MOK: variants seen among roughly 807,000 people sequenced by gnomAD.
The protein encoded by MOK is MAPK/MAK/MRK overlapping kinase.
Under a neutral mutation model 54.2 loss-of-function variants are expected in MOK, and 59 were observed. The observed-to-expected ratio is 1.09, with a 90% CI of 0.88 to 1.35. The LOEUF is 1.35. Among genes scored for constraint, MOK ranks in the 40% most tolerant of loss-of-function variants. MOK has a pLI of 0.00. For synonymous variants in MOK, 210 were observed against 202.7 expected, an observed-to-expected ratio of 1.04 and a Z score of -0.31; for missense variants, 517 against 526.2, an observed-to-expected ratio of 0.98 and a Z score of 0.17.
intron 1 of MOK, 70 bp from the exon 2 acceptor site, chr14:102,283,662 A>G (rs1302576818): frequency 1.1e-6 from 1 of 928,298 alleles, no homozygotes; most frequent in African/African-American, 1.7e-5. Flanking sequence ...TCCAGACAGC[A>G]AACTTTTAAT....
chr14:102,256,371 T>C (rs573557866), intron 4 of MOK, among the ~76,000 whole-genome samples: 12 of 151,736 alleles, frequency 7.9e-5, no homozygotes, highest in Admixed American at 7.9e-4. Context: ...GAGACCATCC[T>C]GGCTAACACG....
chr14:102,238,048 C>T lies in MOK; in HGVS notation c.591-4259G>A, dbSNP rs2065376100. On this transcript the variant is annotated intron_variant, in intron 7 of 11. Coordinates refer to ENST00000361847, the MANE Select transcript of MOK (RefSeq NM_014226.3). The surrounding 1 kb of genome is among the most constrained non-coding windows in gnomAD (Gnocchi z 4.8). ...CCCTGTATCTTCTTCCCTTCCTACT[C>T]ATTCTTGCACTGACGTCCTAGATCA... The T allele has an allele frequency of 6.6e-6, 1 of 152,276 alleles. No homozygotes were observed. The highest frequency in any genetic ancestry group is 1.5e-5 in the Non-Finnish European group (1 of 68,084). The allele number at this position is 152,276 out of a possible 1,614,324, so 9.4% of individuals were successfully genotyped here.
intron 2 of MOK, among the ~76,000 whole-genome samples, chr14:102,281,693 C>T (rs2069459624): frequency 6.6e-6 from 1 of 151,898 alleles, no homozygotes; most frequent in Non-Finnish European, 1.5e-5. Context: ...AATCCTCCTG[C>T]CTCAGCCTCC....
Position 102,287,206 on chromosome 14 carries a change from C to T in MOK, c.8-3614G>A, listed in dbSNP as rs141635475. ...AGGGTTCAGTGGGCGTGGTGGCTCA[C>T]GCCTGTCATCCCAGCACTTTGGGAA... is the stretch of plus-strand genomic sequence containing the variant. On this transcript the variant is annotated intron_variant, in intron 1 of 11. Coordinates refer to ENST00000361847, the MANE Select transcript of MOK (RefSeq NM_014226.3). 4.8e-3 allele frequency among the ~76,000 whole-genome samples: 732 copies of T among 152,304 alleles called. 6 individuals carry two copies. Among genetic ancestry groups the T allele is most frequent in the African/African-American group, 0.016 (655 of 41,568 alleles).
intron 1 of MOK, among the ~76,000 whole-genome samples, chr14:102,295,286 G>A (rs992429707): frequency 6.6e-6 from 1 of 152,166 alleles, no homozygotes; most frequent in Non-Finnish European, 1.5e-5. Context: ...GGAGATAAAT[G>A]AATACCTCTG....
rs952842995 is a variant in MOK at position 102,245,353 on chromosome 14, C to T, written c.590+5459G>A. ...CCCAAAAATTTTCACTGCCCCAACA[C>T]TTCAATACTATTTTATGTTATTTTT... On this transcript the variant is annotated intron_variant, in intron 7 of 11. Transcript: ENST00000361847. The surrounding 1 kb of genome is among the most constrained non-coding windows in gnomAD (Gnocchi z 4.3). Among the ~76,000 whole-genome samples, 1 of 151,954 alleles carries T rather than the reference C, an allele frequency of 6.6e-6. No homozygotes were observed. The highest frequency in any genetic ancestry group is 2.4e-5 in the African/African-American group (1 of 41,316).
chr14:102,266,660 G>C (rs1206779952), intron 2 of MOK, among the ~76,000 whole-genome samples: 1 of 152,090 alleles, frequency 6.6e-6, no homozygotes, highest in Non-Finnish European at 1.5e-5. Context: ...TTGGCTCACT[G>C]CAACCTCTGC....
At chr14:102,255,773 A>G (rs888800904) in intron 4 of MOK, among the ~76,000 whole-genome samples, 3 of 152,236 alleles carry the variant, frequency 2.0e-5, no homozygotes, top group South Asian at 2.1e-4. Flanking sequence ...CGAGTTACTC[A>G]GAAGTTTCTT....
rs774987028 is a variant in MOK, at chr14:102,251,747, A to T, written c.411+9T>A. 1 of 1,564,518 alleles carries T rather than the reference A, an allele frequency of 6.4e-7. No homozygotes were observed. The highest frequency in any genetic ancestry group is 2.2e-5 in the East Asian group (1 of 44,586). ...TTCTGATACCCAGCTTTCATGTAAA[A>T]GCTCTTACCTTTATTAGTATATTTT... On this transcript the variant is annotated intron_variant, in intron 6 of 11. Coordinates refer to ENST00000361847, the MANE Select transcript of MOK (RefSeq NM_014226.3).
chr14:102,232,654 T>C lies in MOK; in HGVS notation c.747A>G (p.Leu249=), dbSNP rs747599908. The stretch of plus-strand genomic sequence containing the variant: ...ATTGTGGGGACAAATTGGTTGTTAG[T>C]AGAGGTATTCCTGATCCCTTTTTAA... The part of the protein sequence containing the change: ...FPFKKGSGIP[L]LTTNLSPQCL... The change falls in exon 9 of 12, where the codon CTA becomes CTG. Residue 249 remains leucine, a synonymous_variant. Coordinates refer to ENST00000361847, the MANE Select transcript of MOK (RefSeq NM_014226.3). This position sits in a 1 kb window ranked among gnomAD's most constrained non-coding sequence, Gnocchi z 5.1. 14 of 1,614,018 alleles carry C rather than the reference T, an allele frequency of 8.7e-6. No individual in the cohort carries two copies. In the East Asian group the frequency reaches 2.7e-4, roughly 31 times the overall value.
At position 102,232,977 on chromosome 14, in the gene MOK, T is replaced by A. The variant is rs1232939725; in HGVS notation, c.693-269A>T. The A allele has an allele frequency of 3.4e-6, 1 of 295,264 alleles. No homozygotes were observed. Among genetic ancestry groups the A allele is most frequent in the African/African-American group, 2.2e-5 (1 of 46,212 alleles). The allele number at this position is 295,264 out of a possible 1,614,324, so 18.3% of individuals were successfully genotyped here. The stretch of plus-strand genomic sequence containing the variant: ...GACGACAGGGGAGGCTGTGTGCACA[T>A]GGGGACAGGGCTCTATGGAAACCTA... On this transcript the variant is annotated intron_variant, in intron 8 of 11. Transcript: ENST00000361847. The surrounding 1 kb of genome is among the most constrained non-coding windows in gnomAD (Gnocchi z 5.1).
intron 7 of MOK, among the ~76,000 whole-genome samples, chr14:102,247,027 C>T (rs146183638): frequency 1.6e-3 from 251 of 152,150 alleles, no homozygotes; most frequent in Non-Finnish European, 2.8e-3. Context: ...CTGCAACGGC[C>T]GACACCCCCA....
At chr14:102,263,870 ATAAT>A (rs1302786442) in intron 3 of MOK, 9 of 328,038 alleles carry the variant, frequency 2.7e-5, no homozygotes, top group Admixed American at 9.8e-5. Flanking sequence ...TTGAAAATAC[ATAAT>A]TAATTATCAG....
the MOK span, among the ~76,000 whole-genome samples, chr14:102,215,212 C>T: frequency 1.3e-5 from 2 of 152,214 alleles, no homozygotes; most frequent in African/African-American, 4.8e-5. Flanking sequence ...GTCTCAGATA[C>T]TGTTTTATGT....
intron 4 of MOK, 86 bp from the exon 5 acceptor site, chr14:102,252,081 C>A (rs930277667): frequency 2.6e-5 from 22 of 830,792 alleles, no homozygotes; most frequent in Non-Finnish European, 3.8e-5. Context: ...TTTTATTTAA[C>A]AATGTGTGAA....
intron 8 of MOK, 111 bp downstream of exon 8, chr14:102,233,577 G>T: frequency 1.1e-6 from 1 of 872,524 alleles, no homozygotes; most frequent in Non-Finnish European, 1.8e-6. Context: ...CCTGTAGTCA[G>T]CCAAAGGAGC....
chr14:102,302,972 G>A (rs1319322055), intron 1 of MOK, among the ~76,000 whole-genome samples: 1 of 151,492 alleles, frequency 6.6e-6, no homozygotes, highest in Non-Finnish European at 1.5e-5. Context: ...GACCAGCCTG[G>A]CCAACATGTT....
chr14:102,219,699 A>G (rs2063663090), downstream of MOK, among the ~76,000 whole-genome samples: 1 of 152,248 alleles, frequency 6.6e-6, no homozygotes, highest in Non-Finnish European at 1.5e-5. Flanking sequence ...TGAGTGCTGC[A>G]GCATGGGGAC....
chr14:102,221,177 G>T (rs935713663), downstream of MOK, among the ~76,000 whole-genome samples: 2 of 152,168 alleles, frequency 1.3e-5, no homozygotes, highest in Non-Finnish European at 2.9e-5. This position sits in a 1 kb window ranked among gnomAD's most constrained non-coding sequence, Gnocchi z 4.8. Context: ...TCCGTGAAAG[G>T]GGAGGGAGAC....
Sources: allele counts gnomAD v4.1 joint callset (sites outside exome capture counted in the v4.1 genomes callset), GRCh38; gene constraint gnomAD v4.1.1; non-coding constraint Gnocchi (gnomAD v3.1); transcripts MANE v1.5; gene names NCBI Gene and HGNC (gene_info 2026-07-23, HGNC 2026-07-21).